Variants in CHD1L observed in about 807,000 individuals in gnomAD.
CHD1L encodes ATP-dependent chromatin remodeler CHD1L.
CHD1L carries 118 observed loss-of-function variants against 115.9 expected under a neutral mutation model. The ratio of observed to expected loss-of-function variants is 1.02; its 90% confidence interval spans 0.88 to 1.19. The LOEUF (loss-of-function observed/expected upper bound fraction) is 1.19. Ranked by LOEUF, CHD1L falls within the 50% of genes most tolerant of loss-of-function variation. The pLI, the probability that CHD1L is intolerant of heterozygous loss-of-function variation, is 0.00. For synonymous variants in CHD1L, 411 were observed against 387.1 expected, an observed-to-expected ratio of 1.06 and a Z score of -0.72; for missense variants, 1,179 against 1,065.3, an observed-to-expected ratio of 1.11 and a Z score of -1.49.
intron 15 of CHD1L, among the ~76,000 whole-genome samples, chr1:147,281,882 A>G (rs1183861929): frequency 1.3e-5 from 2 of 152,192 alleles, no homozygotes; most frequent in Non-Finnish European, 2.9e-5. Context: ...GCACATGTAC[A>G]TTGTGGAATC....
At chr1:147,220,503 T>C in the CHD1L span, among the ~76,000 whole-genome samples, 2 of 152,158 alleles carry the variant, frequency 1.3e-5, no homozygotes, top group African/African-American at 4.8e-5. Flanking sequence ...TTGTCCTTAA[T>C]AGTGGGCTGT....
At chr1:147,182,965 C>T in the CHD1L span, among the ~76,000 whole-genome samples, 7 of 152,004 alleles carry the variant, frequency 4.6e-5, no homozygotes, top group Admixed American at 6.6e-5. Context: ...TTTGGGAGGC[C>T]GAGGTGGGTG....
intron 3 of CHD1L, 65 bp from the exon 4 acceptor site, chr1:147,255,748 A>G: frequency 2.7e-6 from 3 of 1,128,950 alleles, no homozygotes; most frequent in Non-Finnish European, 3.9e-6. Flanking sequence ...GTAATTTTCC[A>G]GATATGCACA....
the CHD1L span, chr1:147,204,009 T>A: frequency 8.5e-7 from 1 of 1,170,650 alleles, no homozygotes; most frequent in Non-Finnish European, 1.3e-6. Flanking sequence ...AACATCATAT[T>A]ATATTTGTTT....
chr1:147,189,282 A>AG, the CHD1L span, among the ~76,000 whole-genome samples: 1 of 152,058 alleles, frequency 6.6e-6, no homozygotes, highest in African/African-American at 2.4e-5. Context: ...AAAAAAAAAA[A>AG]AAGGCAGTTT....
chr1:147,203,593 A>T, the CHD1L span: 1 of 1,096,180 alleles, frequency 9.1e-7, no homozygotes. Flanking sequence ...CACGGGGAAT[A>T]GCTTCAAACG....
At chr1:147,271,472 G>A (rs916520694) in intron 11 of CHD1L, among the ~76,000 whole-genome samples, 1 of 152,178 alleles carries the variant, frequency 6.6e-6, no homozygotes, top group Non-Finnish European at 1.5e-5. Flanking sequence ...GTTATTACCT[G>A]GGAAGTCTGT....
At chr1:147,242,313 A>G (rs1664987940), upstream of CHD1L, among the ~76,000 whole-genome samples, 1 of 152,226 alleles carries the variant, frequency 6.6e-6, no homozygotes, top group African/African-American at 2.4e-5. Context: ...AGGGCACGGA[A>G]CAAGTCTTAC....
At chr1:147,196,841 AAAT>A in the CHD1L span, among the ~76,000 whole-genome samples, 1 of 152,058 alleles carries the variant, frequency 6.6e-6, no homozygotes, top group South Asian at 2.1e-4. Context: ...TTCTGTCACC[AAAT>A]TCTTCAGATT....
intron 6 of CHD1L, among the ~76,000 whole-genome samples, chr1:147,263,383 C>G (rs1424367734): frequency 7.0e-6 from 1 of 143,748 alleles, no homozygotes; most frequent in Non-Finnish European, 1.5e-5. Context: ...GAGCCGAGAT[C>G]ATGCCTCTGT....
chr1:147,204,108 T>C, the CHD1L span: 5 of 1,037,364 alleles, frequency 4.8e-6, no homozygotes, highest in South Asian at 6.3e-5. Context: ...TATGCATCCA[T>C]GAGATTTTCT....
At chr1:147,192,479 T>A in the CHD1L span, among the ~76,000 whole-genome samples, 1 of 152,148 alleles carries the variant, frequency 6.6e-6, no homozygotes, top group South Asian at 2.1e-4. Context: ...TGACTTCCTC[T>A]TTTCCTAATC....
chr1:147,233,872 T>A, the CHD1L span, among the ~76,000 whole-genome samples: 1 of 151,872 alleles, frequency 6.6e-6, no homozygotes, highest in Non-Finnish European at 1.5e-5. Flanking sequence ...AAGATGTGCT[T>A]TGTTAAACAG....
chr1:147,294,361 C>A, intron 21 of CHD1L, 48 bp from the exon 22 acceptor site: 1 of 1,356,976 alleles, frequency 7.4e-7, no homozygotes, highest in South Asian at 1.3e-5. Context: ...TTATACCCAT[C>A]AATCAATTTT....
At chr1:147,290,944 T>C (rs1337723000) in intron 19 of CHD1L, among the ~76,000 whole-genome samples, 1 of 152,200 alleles carries the variant, frequency 6.6e-6, no homozygotes, top group Admixed American at 6.5e-5. Flanking sequence ...TGAGTCACTG[T>C]GCTCGGCCAT....
At chr1:147,239,594 C>T (rs1483585676), upstream of CHD1L, among the ~76,000 whole-genome samples, 5 of 152,182 alleles carry the variant, frequency 3.3e-5, no homozygotes, top group African/African-American at 1.2e-4. Flanking sequence ...CTGCCTCCTT[C>T]CTTCCATCCT....
At chr1:147,203,512 A>G in the CHD1L span, 1 of 869,950 alleles carries the variant, frequency 1.1e-6, no homozygotes. Context: ...TTCTTGAGGT[A>G]CTGCATAAAG....
chr1:147,261,541 A>C (rs587696753), intron 6 of CHD1L, among the ~76,000 whole-genome samples: 2 of 152,280 alleles, frequency 1.3e-5, no homozygotes, highest in South Asian at 4.1e-4. Context: ...CATTCAATCC[A>C]TAGCAGTTGT....
At chr1:147,207,494 G>C in the CHD1L span, among the ~76,000 whole-genome samples, 5,603 of 152,204 alleles carry the variant, frequency 0.037, 146 homozygotes, top group South Asian at 0.095. Flanking sequence ...TCATAACACT[G>C]TATGTATTTC....
Sources: allele counts gnomAD v4.1 joint callset (sites outside exome capture counted in the v4.1 genomes callset), GRCh38; gene constraint gnomAD v4.1.1; transcripts MANE v1.5; gene names NCBI Gene and HGNC (gene_info 2026-07-23, HGNC 2026-07-21).